The following BTBD9 variants were observed in gnomAD, a reference collection of about 807,000 sequenced individuals.
BTBD9 encodes the protein BTB/POZ domain-containing protein 9.
A neutral mutation model predicts 64.3 loss-of-function variants in BTBD9; 49 were observed. That is an observed-to-expected ratio of 0.76 (90% CI 0.61 to 0.97). The LOEUF (loss-of-function observed/expected upper bound fraction) is 0.97, where lower values mean the gene tolerates loss of function less well. Ranked by LOEUF, BTBD9 falls within the 50% of genes least tolerant of loss-of-function variation. BTBD9 has a pLI of 0.00. For missense variants in BTBD9, 598 were observed against 762.1 expected (o/e 0.78, Z 2.53); for synonymous variants, 260 against 274.7 (o/e 0.95, Z 0.53).
At chr6:38,434,224 T>A (rs1768597900) in intron 6 of BTBD9, among the ~76,000 whole-genome samples, 1 of 152,040 alleles carries the variant, frequency 6.6e-6, no homozygotes, top group Admixed American at 6.5e-5. Context: ...TTCTTCCAGT[T>A]TCTCCCAACC....
At chr6:38,564,295 G>C (rs1384393094) in intron 6 of BTBD9, among the ~76,000 whole-genome samples, 1 of 152,168 alleles carries the variant, frequency 6.6e-6, no homozygotes, top group Non-Finnish European at 1.5e-5. Flanking sequence ...TTAAGGGTGG[G>C]GGATGTGTGT....
In BTBD9 at chr6:38,243,031, G is replaced by A. The variant is rs565247243; in HGVS notation, c.1562+13378C>T. On this transcript the variant is annotated intron_variant, in intron 9 of 10. Transcript: ENST00000481247. Reference sequence around the variant, plus strand: ...TCAAGGAAGAACTCATAGAGCATTTGGCTGGGTCTTGAAGGGAACACTGAA... The same window carrying A: ...TCAAGGAAGAACTCATAGAGCATTTAGCTGGGTCTTGAAGGGAACACTGAA... Among the ~76,000 whole-genome samples the A allele has an allele frequency of 9.9e-5, 15 of 151,516 alleles. No homozygotes were observed. In the South Asian group the frequency reaches 3.1e-3, roughly 31 times the overall value.
intron 6 of BTBD9, among the ~76,000 whole-genome samples, chr6:38,492,581 G>C (rs1310764397): frequency 2.6e-5 from 4 of 152,098 alleles, no homozygotes; most frequent in Non-Finnish European, 5.9e-5. Context: ...TCCTTAAAGT[G>C]CTACATGGCA....
chr6:38,577,781 A>G lies in BTBD9; in HGVS notation c.1035-62T>C, dbSNP rs1776121141. 3 of 1,457,936 alleles carry G rather than the reference A, an allele frequency of 2.1e-6. No homozygotes were observed. The East Asian group carries it at 6.9e-5, about 33-fold the overall frequency. The allele number at this position is 1,457,936 out of a possible 1,614,324, so 90.3% of individuals were successfully genotyped here. ...ACATTAAAAAACAATACAAAGCTGT[A>G]CTTTAATAAAGTGTTAAAAGGTACA... On this transcript the variant is annotated intron_variant, in intron 5 of 10. Transcript: ENST00000481247.
chr6:38,638,849 G>A (rs1302600656), intron 1 of BTBD9, among the ~76,000 whole-genome samples: 2 of 152,266 alleles, frequency 1.3e-5, no homozygotes, highest in Non-Finnish European at 2.9e-5. Flanking sequence ...TCGCTCCCAA[G>A]TATGGTAACC....
chr6:38,459,396 T>C (rs1769971717), intron 6 of BTBD9, among the ~76,000 whole-genome samples: 1 of 152,196 alleles, frequency 6.6e-6, no homozygotes, highest in Non-Finnish European at 1.5e-5. Flanking sequence ...AGTTTGCAGT[T>C]AGGTGAAGTC....
chr6:38,591,066 A>T (rs573720268), intron 4 of BTBD9, among the ~76,000 whole-genome samples: 1 of 152,276 alleles, frequency 6.6e-6, no homozygotes, highest in African/African-American at 2.4e-5. Context: ...ACTCAAATAC[A>T]GCACTATGGA....
intron 1 of BTBD9, among the ~76,000 whole-genome samples, chr6:38,635,460 T>C (rs1267150831): frequency 6.6e-6 from 1 of 152,142 alleles, no homozygotes; most frequent in Non-Finnish European, 1.5e-5. Context: ...CCAATGCATT[T>C]TCAAATTTTA....
intron 7 of BTBD9, among the ~76,000 whole-genome samples, chr6:38,291,114 T>C (rs1440863625): frequency 1.3e-5 from 2 of 152,220 alleles, no homozygotes; most frequent in East Asian, 1.9e-4. Context: ...ATTACACTCA[T>C]GGCTATGAGT....
chr6:38,606,089 C>T (rs1166712721), intron 1 of BTBD9, among the ~76,000 whole-genome samples: 2 of 152,168 alleles, frequency 1.3e-5, no homozygotes, highest in Non-Finnish European at 2.9e-5. Context: ...AGTTCTTCAG[C>T]TTTTGGACTC....
chr6:38,571,883 C>T (rs1470536383), intron 6 of BTBD9: 1 of 152,058 alleles, frequency 6.6e-6, no homozygotes, highest in Non-Finnish European at 1.5e-5. Context: ...TCATTTGAGC[C>T]CAGCAGGCAG....
chr6:38,465,974 A>C (rs1033737180), intron 6 of BTBD9, among the ~76,000 whole-genome samples: 1 of 149,892 alleles, frequency 6.7e-6, no homozygotes, highest in Non-Finnish European at 1.5e-5. Flanking sequence ...GGGACTACAG[A>C]TGCATGTCAT....
chr6:38,631,747 T>C (rs1376494583), intron 1 of BTBD9, among the ~76,000 whole-genome samples: 2 of 152,174 alleles, frequency 1.3e-5, no homozygotes, highest in Non-Finnish European at 2.9e-5. Flanking sequence ...GGTCAAAAGC[T>C]TGATTGCAAC....
chr6:38,343,714 G>A (rs557410978), intron 7 of BTBD9, among the ~76,000 whole-genome samples: 4 of 152,240 alleles, frequency 2.6e-5, no homozygotes, highest in African/African-American at 9.6e-5. Flanking sequence ...TATATTTAAT[G>A]TTAAAATTAT....
chr6:38,425,908 C>A (rs1007720077), intron 6 of BTBD9, among the ~76,000 whole-genome samples: 1 of 146,828 alleles, frequency 6.8e-6, no homozygotes, highest in African/African-American at 2.5e-5. Flanking sequence ...CAAAGTGAGA[C>A]CCTATCTCAA....
At chr6:38,623,771 C>A (rs1778077557) in intron 1 of BTBD9, among the ~76,000 whole-genome samples, 1 of 152,202 alleles carries the variant, frequency 6.6e-6, no homozygotes, top group Non-Finnish European at 1.5e-5. Context: ...TATTTTTAAA[C>A]TCCTTGTCAA....
intron 8 of BTBD9, among the ~76,000 whole-genome samples, chr6:38,271,106 T>C (rs150355342): frequency 1.4e-3 from 207 of 152,326 alleles, no homozygotes; most frequent in African/African-American, 4.8e-3. Flanking sequence ...TGCAAAGAAA[T>C]ATAAACCAAT....
intron 6 of BTBD9, among the ~76,000 whole-genome samples, chr6:38,477,302 A>C (rs1033685815): frequency 2.0e-5 from 3 of 152,264 alleles, no homozygotes; most frequent in African/African-American, 7.2e-5. Context: ...TTAGAGACTA[A>C]GAGCGATTCA....
At chr6:38,216,202 CCTCTA>C (rs757320609) in intron 9 of BTBD9, among the ~76,000 whole-genome samples, 7 of 152,188 alleles carry the variant, frequency 4.6e-5, no homozygotes, top group Non-Finnish European at 7.3e-5. Flanking sequence ...CGTGATTGGG[CCTCTA>C]CTCTGAGTGA....
Sources: allele counts gnomAD v4.1 joint callset (sites outside exome capture counted in the v4.1 genomes callset), GRCh38; gene constraint gnomAD v4.1.1; transcripts MANE v1.5; gene names NCBI Gene and HGNC (gene_info 2026-07-23, HGNC 2026-07-21).